The following RAD51B variants were observed in gnomAD, a reference collection of about 807,000 sequenced individuals.
RAD51B encodes the protein RAD51 paralog B.
A neutral mutation model predicts 42.2 loss-of-function variants in RAD51B; 38 were observed. The observed-to-expected ratio is 0.90, with a 90% CI of 0.70 to 1.18. The LOEUF (loss-of-function observed/expected upper bound fraction) is 1.18. Ranked by LOEUF, RAD51B falls within the 50% of genes most tolerant of loss-of-function variation. The probability of loss-of-function intolerance (pLI) is 0.00; values close to 1 mark genes in which losing one functional copy is unlikely to be tolerated. For synonymous variants in RAD51B, 154 were observed against 145.2 expected, an observed-to-expected ratio of 1.06 and a Z score of -0.43; for missense variants, 373 against 400.7, an observed-to-expected ratio of 0.93 and a Z score of 0.59.
chr14:68,616,221 T>G (rs10136390), downstream of RAD51B, among the ~76,000 whole-genome samples: 42,861 of 152,064 alleles, frequency 0.28, 6,361 homozygotes, highest in East Asian at 0.51. Flanking sequence ...TTTCTGGTGC[T>G]CTTCATTCTT....
intron 10 of RAD51B, among the ~76,000 whole-genome samples, chr14:68,609,061 T>C (rs58015193): frequency 0.19 from 28,501 of 152,126 alleles, 2,826 homozygotes; most frequent in African/African-American, 0.23. Flanking sequence ...TCCCTTCACC[T>C]GTTCCTTCTC....
intron 7 of RAD51B, among the ~76,000 whole-genome samples, chr14:67,990,503 T>TCTG (rs2075277154): frequency 6.6e-6 from 1 of 152,246 alleles, no homozygotes; most frequent in African/African-American, 2.4e-5. Context: ...AAAAAAAAGA[T>TCTG]CTGCCTCACA....
intron 7 of RAD51B, among the ~76,000 whole-genome samples, chr14:68,259,263 G>A (rs891768731): frequency 4.9e-5 from 7 of 142,524 alleles, no homozygotes; most frequent in Non-Finnish European, 1.1e-4. Context: ...TGTGAGTGAG[G>A]ACACAGGAAG....
chr14:68,346,071 A>G (rs1257703046), intron 8 of RAD51B, among the ~76,000 whole-genome samples: 1 of 152,240 alleles, frequency 6.6e-6, no homozygotes, highest in Non-Finnish European at 1.5e-5. Flanking sequence ...TTTCAGAAAG[A>G]TCCTATATTT....
rs2075760967 is a variant in RAD51B, at chr14:68,015,384, T to C, written c.756+128180T>C. 2.0e-5 allele frequency among the ~76,000 whole-genome samples: 3 copies of C among 152,146 alleles called. No individual in the cohort carries two copies. In the South Asian group the frequency reaches 6.2e-4, roughly 31 times the overall value. ...ATATTATAGTCATTACAACATACGA[T>C]GGTGTATTAGTCTGTTCTCATGTTG... On this transcript the variant is annotated intron_variant, in intron 7 of 10. Coordinates refer to ENST00000471583, the MANE Select transcript of RAD51B (RefSeq NM_133510.4).
At chr14:68,305,357 T>G (rs978599088) in intron 8 of RAD51B, among the ~76,000 whole-genome samples, 2 of 152,238 alleles carry the variant, frequency 1.3e-5, no homozygotes, top group Non-Finnish European at 2.9e-5. Context: ...CTCTCCCCTC[T>G]CAAACATAAA....
intron 5 of RAD51B, among the ~76,000 whole-genome samples, chr14:67,865,563 G>A (rs1398794588): frequency 8.3e-6 from 1 of 120,944 alleles, no homozygotes; most frequent in Admixed American, 9.1e-5. Flanking sequence ...TTTTGAGATG[G>A]AGTCTCTCTC....
rs541886088 is a variant in RAD51B at position 68,123,191 on chromosome 14, C to CTT, written c.757-168675_757-168674dup. Among the ~76,000 whole-genome samples, 919 of 125,450 alleles carry CTT rather than the reference C, an allele frequency of 7.3e-3. 5 individuals are homozygous for CTT. The highest frequency in any genetic ancestry group is 0.025 in the Middle Eastern group (6 of 242). 82.3% of individuals were successfully genotyped at this position (125,450 alleles called of 152,430 possible). On this transcript the variant is annotated intron_variant, in intron 7 of 10. Coordinates refer to ENST00000471583, the MANE Select transcript of RAD51B (RefSeq NM_133510.4). ...TTTTCTTTTCTTTTTTTCTTTCTTT[C>CTT]TTTTTTTTTTTTTTTTTTTGAGACA...
At chr14:67,975,160 T>G (rs2074968685) in intron 7 of RAD51B, among the ~76,000 whole-genome samples, 1 of 152,230 alleles carries the variant, frequency 6.6e-6, no homozygotes, top group South Asian at 2.1e-4. Flanking sequence ...ATGTGAATGA[T>G]GAACATTCAG....
intron 10 of RAD51B, among the ~76,000 whole-genome samples, chr14:68,531,254 A>C (rs1887289664): frequency 6.6e-6 from 1 of 152,190 alleles, no homozygotes; most frequent in South Asian, 2.1e-4. Flanking sequence ...AAATGGAAGA[A>C]GTAAGTCAAA....
chr14:68,563,670 A>G, intron 10 of RAD51B: 4 of 985,492 alleles, frequency 4.1e-6, no homozygotes, highest in Non-Finnish European at 4.8e-6. Flanking sequence ...GGGGAAGGGC[A>G]GAAACCAAAA....
At chr14:68,138,336 T>C (rs1337019618) in intron 7 of RAD51B, among the ~76,000 whole-genome samples, 1 of 152,196 alleles carries the variant, frequency 6.6e-6, no homozygotes, top group African/African-American at 2.4e-5. Context: ...TACCGTTTTG[T>C]TACATTGCTT....
chr14:68,379,975 T>C (rs950664047), intron 8 of RAD51B, among the ~76,000 whole-genome samples: 1 of 152,246 alleles, frequency 6.6e-6, no homozygotes, highest in Non-Finnish European at 1.5e-5. Flanking sequence ...ATGCTAGTTA[T>C]TGTCATACGA....
intron 9 of RAD51B, among the ~76,000 whole-genome samples, chr14:68,450,375 CA>C (rs902819216): frequency 6.6e-6 from 1 of 152,128 alleles, no homozygotes; most frequent in Admixed American, 6.5e-5. Context: ...TGCACCACCA[CA>C]CCCAGCTAAT....
intron 7 of RAD51B, among the ~76,000 whole-genome samples, chr14:68,127,103 G>C (rs2077776670): frequency 6.6e-6 from 1 of 152,110 alleles, no homozygotes; most frequent in South Asian, 2.1e-4. Context: ...CTCTGTAAAA[G>C]GGCTTATCTC....
rs923462631 is a variant in RAD51B, at chr14:68,594,415, A to G, written c.1037-70A>G. On this transcript the variant is annotated intron_variant, in intron 10 of 10. Coordinates refer to the RAD51B transcript ENST00000487270. ...GTCTTCCTCAACCATCCTCTTCAGGAAGCCTCAGGGCCTCAGAGAAAGGCA... is the reference window on the plus strand; with the variant it reads ...GTCTTCCTCAACCATCCTCTTCAGGGAGCCTCAGGGCCTCAGAGAAAGGCA... The G allele has an allele frequency of 3.8e-6, 5 of 1,320,758 alleles. No individual in the cohort carries two copies. The African/African-American group carries it at 7.5e-5, about 20-fold the overall frequency. 81.8% of individuals were successfully genotyped at this position (1,320,758 alleles called of 1,614,324 possible).
rs538225287 is a variant in RAD51B at position 68,458,377 on chromosome 14, G to A, written c.958-9795G>A. Among the ~76,000 whole-genome samples, 63 of 152,224 alleles carry A rather than the reference G, an allele frequency of 4.1e-4. No homozygotes were observed. In the South Asian group the frequency reaches 0.01, roughly 25 times the overall value. Reference sequence around the variant, plus strand: ...ATAATAAAATGTTGAGGAAAAAACCGTAAACTCAAAATGTCATTCTGACCC... The same window carrying A: ...ATAATAAAATGTTGAGGAAAAAACCATAAACTCAAAATGTCATTCTGACCC... On this transcript the variant is annotated intron_variant, in intron 9 of 10. Transcript: ENST00000471583.
intron 9 of RAD51B, among the ~76,000 whole-genome samples, chr14:68,432,508 A>G (rs902244572): frequency 4.6e-5 from 7 of 152,098 alleles, no homozygotes; most frequent in Non-Finnish European, 1.0e-4. Flanking sequence ...TTATGTAATG[A>G]CCTTCTTTGT....
At chr14:68,072,465 G>A (rs919030709) in intron 7 of RAD51B, among the ~76,000 whole-genome samples, 7 of 152,000 alleles carry the variant, frequency 4.6e-5, no homozygotes, top group African/African-American at 1.7e-4. Flanking sequence ...TGGGAGGCTA[G>A]GCTCATCTCG....
Sources: allele counts gnomAD v4.1 joint callset (sites outside exome capture counted in the v4.1 genomes callset), GRCh38; gene constraint gnomAD v4.1.1; transcripts MANE v1.5; gene names NCBI Gene and HGNC (gene_info 2026-07-23, HGNC 2026-07-21).